Variants in LTV1 observed in about 807,000 individuals in gnomAD.
The protein encoded by LTV1 is LTV1 ribosome biogenesis factor.
LTV1 carries 39 observed loss-of-function variants against 59.9 expected under a neutral mutation model. That is an observed-to-expected ratio of 0.65 (90% CI 0.50 to 0.85). The LOEUF (loss-of-function observed/expected upper bound fraction) is 0.85, where lower values mean the gene tolerates loss of function less well. Ranked by LOEUF, LTV1 falls within the 40% of genes least tolerant of loss-of-function variation. The pLI, the probability that LTV1 is intolerant of heterozygous loss-of-function variation, is 0.00. For synonymous variants in LTV1, 171 were observed against 189.5 expected (o/e 0.90, Z 0.80); for missense variants, 493 against 549.1 (o/e 0.90, Z 1.02).
chr6:143,848,832 T>G (rs1220080593), intron 3 of LTV1, among the ~76,000 whole-genome samples: 1 of 152,182 alleles, frequency 6.6e-6, no homozygotes, highest in Non-Finnish European at 1.5e-5. Context: ...TGGGTACTGT[T>G]GACAGGAGAA....
Position 143,862,328 on chromosome 6 carries a change from T to C in LTV1, c.1063+85T>C, listed in dbSNP as rs1777178728. ...TGGGTGCGGTGCCTCACGCCTGTAG[T>C]AATCCCAGCACTTTGGGAGGCCGAG... On this transcript the variant is annotated intron_variant, in intron 8 of 10. Transcript: ENST00000367576. The surrounding 1 kb of genome is among the most constrained non-coding windows in gnomAD (Gnocchi z 4.2). 8.0e-7 allele frequency: 1 copy of C among 1,256,236 alleles called. No homozygotes were observed. Among genetic ancestry groups the C allele is most frequent in the Non-Finnish European group, 1.1e-6 (1 of 902,836 alleles). 77.8% of individuals were successfully genotyped at this position (1,256,236 alleles called of 1,614,324 possible).
At chr6:143,844,967 G>A (rs910907975) in intron 2 of LTV1, among the ~76,000 whole-genome samples, 1 of 152,082 alleles carries the variant, frequency 6.6e-6, no homozygotes, top group African/African-American at 2.4e-5. Flanking sequence ...ATGTTTAAAC[G>A]AGCAAATCTT....
At chr6:143,846,014 G>T in intron 2 of LTV1, 37 bp from the exon 3 acceptor site, 1 of 1,598,010 alleles carries the variant, frequency 6.3e-7, no homozygotes, top group Non-Finnish European at 8.6e-7. Flanking sequence ...TTTGTTTATA[G>T]ATAGTGAAGA....
chr6:143,860,978 C>G (rs1777155754), intron 7 of LTV1, among the ~76,000 whole-genome samples: 1 of 151,526 alleles, frequency 6.6e-6, no homozygotes, highest in Admixed American at 6.6e-5. Flanking sequence ...TCACCTGCAA[C>G]CTCCGCCTCC....
intron 2 of LTV1, among the ~76,000 whole-genome samples, chr6:143,845,039 G>T (rs1321574880): frequency 6.6e-6 from 1 of 152,068 alleles, no homozygotes; most frequent in East Asian, 1.9e-4. Flanking sequence ...GTTATTTAGG[G>T]CACCGATATA....
At chr6:143,861,993 A>C in intron 7 of LTV1, 111 bp from the exon 8 acceptor site, 2 of 1,033,090 alleles carry the variant, frequency 1.9e-6, no homozygotes, top group Non-Finnish European at 2.9e-6. Context: ...GAATATGTGC[A>C]TTTAAAACAT....
intron 4 of LTV1, among the ~76,000 whole-genome samples, chr6:143,854,412 A>C (rs963139371): frequency 6.6e-6 from 1 of 151,860 alleles, no homozygotes; most frequent in Non-Finnish European, 1.5e-5. Flanking sequence ...TCCTGGATTC[A>C]TTGGTTTTTT....
chr6:143,860,253 A>G (rs1777139634), intron 6 of LTV1, among the ~76,000 whole-genome samples, 173 bp from the exon 7 acceptor site: 1 of 152,206 alleles, frequency 6.6e-6, no homozygotes, highest in African/African-American at 2.4e-5. Flanking sequence ...GAGCAGAAAT[A>G]TCTTCCACAT....
At chr6:143,848,412 T>C (rs1776928605) in intron 3 of LTV1, among the ~76,000 whole-genome samples, 1 of 152,194 alleles carries the variant, frequency 6.6e-6, no homozygotes. Flanking sequence ...TGCCCATGTT[T>C]GTGCTACTGA....
At chr6:143,858,233 G>T (rs1316651087) in intron 6 of LTV1, 4 of 511,938 alleles carry the variant, frequency 7.8e-6, no homozygotes, top group Non-Finnish European at 1.4e-5. Context: ...CTGTGCAGAA[G>T]AAGAGTAATT....
rs1777089649 is a variant in LTV1, at chr6:143,857,112, C to G, written c.398-191C>G. On this transcript the variant is annotated intron_variant, in intron 4 of 10. Coordinates refer to ENST00000367576, the MANE Select transcript of LTV1 (RefSeq NM_032860.5). This position sits in a 1 kb window ranked among gnomAD's most constrained non-coding sequence, Gnocchi z 5.2. ...AAGGTCCTGACTGGGGCTGAGGCAG[C>G]ATTTTGTTTCCTTTTTTTGTCTTGG... 6.6e-6 allele frequency among the ~76,000 whole-genome samples: 1 copy of G among 152,176 alleles called. No homozygotes were observed. Among genetic ancestry groups the G allele is most frequent in the Non-Finnish European group, 1.5e-5 (1 of 68,020 alleles).
Position 143,857,868 on chromosome 6 carries a change from C to T in LTV1, c.656C>T (p.Pro219Leu). 6.2e-7 allele frequency: 1 copy of T among 1,613,968 alleles called. No individual in the cohort carries two copies. The highest frequency in any genetic ancestry group is 8.5e-7 in the Non-Finnish European group (1 of 1,179,992). The change falls in exon 6 of 11, where the codon CCC (proline) becomes CTC (leucine). Residue 219 changes from proline to leucine, a missense_variant. Physicochemically the swap from Pro to Leu is moderately conservative, Grantham distance 98. Transcript: ENST00000367576. This position sits in a 1 kb window ranked among gnomAD's most constrained non-coding sequence, Gnocchi z 5.2. ...TCAGATGAAGACTGTATGTCTGTGC[C>T]CGGAAAAACTCACAGAGCTATAGCA... ...LLSDEDCMSV[P>L]GKTHRAIADH...
At chr6:143,854,071 T>C (rs1777034144) in intron 4 of LTV1, among the ~76,000 whole-genome samples, 1 of 152,200 alleles carries the variant, frequency 6.6e-6, no homozygotes, top group Non-Finnish European at 1.5e-5. Context: ...GCTGTGAATC[T>C]GTCTGGTCCT....
chr6:143,846,505 A>C (rs1489653497), intron 3 of LTV1, among the ~76,000 whole-genome samples: 1 of 152,240 alleles, frequency 6.6e-6, no homozygotes, highest in Non-Finnish European at 1.5e-5. Flanking sequence ...ATAGGAGAAA[A>C]GCAGCTGACA....
intron 7 of LTV1, among the ~76,000 whole-genome samples, chr6:143,861,427 C>CT (rs1491041823): frequency 2.7e-5 from 4 of 145,474 alleles, no homozygotes; most frequent in Admixed American, 1.3e-4. Context: ...GGGCGAGACT[C>CT]TGTCTCAAAA....
chr6:143,863,137 C>A lies in LTV1; in HGVS notation c.1168C>A (p.Pro390Thr), dbSNP rs1777199191. The A allele has an allele frequency of 6.2e-7, 1 of 1,613,842 alleles. No homozygotes were observed. Among genetic ancestry groups the A allele is most frequent in the Non-Finnish European group, 8.5e-7 (1 of 1,179,898 alleles). Residue 390 changes from proline (P) to threonine (T), a missense_variant, in exon 10 of 11, where the codon CCA (proline) becomes ACA (threonine). Coordinates refer to ENST00000367576, the MANE Select transcript of LTV1 (RefSeq NM_032860.5). This position sits in a 1 kb window ranked among gnomAD's most constrained non-coding sequence, Gnocchi z 4.5. ...SKTGIPLNVLPKKGLTAKQTE... is the reference protein window; with the variant it reads ...SKTGIPLNVLTKKGLTAKQTE... The stretch of plus-strand genomic sequence containing the variant: ...AACAGGAATACCTCTCAATGTCTTA[C>A]CAAAGAAAGGACTCACAGCAAAGCA...
chr6:143,845,426 T>C (rs1451966890), intron 2 of LTV1, among the ~76,000 whole-genome samples: 2 of 152,182 alleles, frequency 1.3e-5, no homozygotes, highest in South Asian at 2.1e-4. Flanking sequence ...CAGGCTGGCA[T>C]GCAAAGTGGC....
At position 143,862,351 on chromosome 6, in the gene LTV1, G is replaced by A. The variant is rs558110258; in HGVS notation, c.1063+108G>A. 4.3e-5 allele frequency: 40 copies of A among 938,646 alleles called. 1 individual carries two copies. The South Asian group carries it at 4.4e-4, about 10-fold the overall frequency. The allele number at this position is 938,646 out of a possible 1,614,324, so 58.1% of individuals were successfully genotyped here. A position where few individuals can be genotyped will look rare whatever the true frequency, so the allele number is the denominator to read the frequency against. On this transcript the variant is annotated intron_variant, in intron 8 of 10. Transcript: ENST00000367576. The surrounding 1 kb of genome is among the most constrained non-coding windows in gnomAD (Gnocchi z 4.2). ...AGTAATCCCAGCACTTTGGGAGGCC[G>A]AGGCGGGTGGGTCACCTGATGTCAG...
intron 3 of LTV1, among the ~76,000 whole-genome samples, chr6:143,847,586 C>G (rs553009992): frequency 3.3e-5 from 5 of 152,344 alleles, no homozygotes; most frequent in Admixed American, 1.3e-4. Flanking sequence ...GTCTTGAACT[C>G]CCGACTTCAG....
Sources: gnomAD v4.1 joint callset for allele counts (sites outside exome capture counted in the v4.1 genomes callset) on GRCh38, gnomAD v4.1.1 for gene constraint, Gnocchi (gnomAD v3.1) non-coding constraint, MANE v1.5 for transcripts, NCBI Gene and HGNC (gene_info 2026-07-23, HGNC 2026-07-21) for gene names.